The following MACROD2 variants were observed in gnomAD, a reference collection of about 807,000 sequenced individuals.
MACROD2 encodes the protein ADP-ribose glycohydrolase MACROD2.
Under a neutral mutation model 70.4 loss-of-function variants are expected in MACROD2, and 36 were observed. The observed-to-expected ratio is 0.51, with a 90% CI of 0.39 to 0.68. The LOEUF is 0.68. Ranked by LOEUF, MACROD2 falls within the 30% of genes least tolerant of loss-of-function variation. The pLI, the probability that MACROD2 is intolerant of heterozygous loss-of-function variation, is 0.00. For synonymous variants in MACROD2, 172 were observed against 178.8 expected (o/e 0.96, Z 0.30); for missense variants, 496 against 538.4 (o/e 0.92, Z 0.78).
intron 5 of MACROD2, among the ~76,000 whole-genome samples, chr20:14,974,859 G>A (rs1170191523): frequency 6.6e-6 from 1 of 152,122 alleles, no homozygotes; most frequent in East Asian, 1.9e-4. Flanking sequence ...TGCAGACTGT[G>A]TGAACTCTAG....
At chr20:15,278,189 G>T (rs1318566790) in intron 6 of MACROD2, among the ~76,000 whole-genome samples, 2 of 152,150 alleles carry the variant, frequency 1.3e-5, no homozygotes, top group Admixed American at 1.3e-4. Context: ...AGTTCTGAAG[G>T]ATAAAGCTTT....
chr20:14,925,603 G>A (rs1418526042), intron 5 of MACROD2, among the ~76,000 whole-genome samples: 1 of 152,180 alleles, frequency 6.6e-6, no homozygotes, highest in Non-Finnish European at 1.5e-5. Flanking sequence ...AACTTCTAAA[G>A]TTCTCTGCAT....
intron 8 of MACROD2, among the ~76,000 whole-genome samples, chr20:15,751,846 G>A (rs747783882): frequency 2.5e-4 from 38 of 151,086 alleles, no homozygotes; most frequent in Non-Finnish European, 4.6e-4. Context: ...CTAGGTTGCA[G>A]CTGGTTTTTG....
chr20:15,436,660 G>A (rs2046431477), intron 7 of MACROD2, among the ~76,000 whole-genome samples: 1 of 152,112 alleles, frequency 6.6e-6, no homozygotes, highest in Admixed American at 6.6e-5. Context: ...TTACAGACTA[G>A]TTTTCTTGCT....
intron 8 of MACROD2, among the ~76,000 whole-genome samples, chr20:15,631,268 G>T (rs1206532502): frequency 6.6e-6 from 1 of 152,158 alleles, no homozygotes; most frequent in Non-Finnish European, 1.5e-5. Flanking sequence ...AGTAAAACAT[G>T]CCCATCTGCG....
At chr20:14,620,907 A>G (rs979021171) in intron 4 of MACROD2, among the ~76,000 whole-genome samples, 7 of 152,240 alleles carry the variant, frequency 4.6e-5, no homozygotes, top group African/African-American at 1.4e-4. Context: ...ATAGAAATCA[A>G]TGAAGAAAGG....
intron 5 of MACROD2, among the ~76,000 whole-genome samples, chr20:14,844,748 CAACT>C (rs1396353239): frequency 6.6e-6 from 1 of 151,994 alleles, no homozygotes; most frequent in African/African-American, 2.4e-5. Flanking sequence ...CAATCCAAGA[CAACT>C]AACTATCAAA....
intron 3 of MACROD2, among the ~76,000 whole-genome samples, chr20:14,200,032 C>T (rs186568429): frequency 6.6e-6 from 1 of 152,248 alleles, no homozygotes. Context: ...ATAGCAAAGA[C>T]ATTCTTGCAA....
intron 8 of MACROD2, among the ~76,000 whole-genome samples, chr20:15,715,358 C>G (rs2050694010): frequency 6.6e-6 from 1 of 152,070 alleles, no homozygotes. Context: ...CTTTTGCAAC[C>G]CTGATCTTAC....
chr20:14,317,048 C>G (rs2082617516), intron 3 of MACROD2, among the ~76,000 whole-genome samples: 1 of 152,216 alleles, frequency 6.6e-6, no homozygotes, highest in African/African-American at 2.4e-5. Flanking sequence ...TCACCTACGT[C>G]TTGATCACTG....
At chr20:14,703,199 A>G (rs908839848) in intron 5 of MACROD2, among the ~76,000 whole-genome samples, 3 of 152,042 alleles carry the variant, frequency 2.0e-5, no homozygotes, top group Non-Finnish European at 4.4e-5. Flanking sequence ...TGAGATGAAC[A>G]TTTTTTGGGT....
At chr20:14,514,673 C>T (rs1297822787) in intron 4 of MACROD2, among the ~76,000 whole-genome samples, 1 of 152,078 alleles carries the variant, frequency 6.6e-6, no homozygotes. Flanking sequence ...GCCCACTAAT[C>T]CTGTTGAACC....
chr20:15,367,123 G>C (rs2045421890), intron 6 of MACROD2, among the ~76,000 whole-genome samples: 3 of 150,918 alleles, frequency 2.0e-5, no homozygotes, highest in Non-Finnish European at 4.4e-5. Context: ...CGCCTCTTTG[G>C]TTCAAGTGAT....
chr20:14,508,381 G>A (rs1243240989), intron 4 of MACROD2, among the ~76,000 whole-genome samples: 1 of 151,158 alleles, frequency 6.6e-6, no homozygotes, highest in African/African-American at 2.4e-5. Flanking sequence ...CTGTCAAATT[G>A]TTATTTGACC....
intron 15 of MACROD2, among the ~76,000 whole-genome samples, chr20:16,034,729 T>C (rs1333652002): frequency 1.3e-5 from 2 of 151,886 alleles, no homozygotes; most frequent in Non-Finnish European, 2.9e-5. Context: ...AGTTCTTTAG[T>C]GGTGATTTGT....
At chr20:14,594,410 C>G (rs1317201898) in intron 4 of MACROD2, among the ~76,000 whole-genome samples, 1 of 152,148 alleles carries the variant, frequency 6.6e-6, no homozygotes, top group Non-Finnish European at 1.5e-5. Flanking sequence ...CTTCCTACTC[C>G]TTTGTCATAA....
At chr20:14,857,094 C>T (rs546166337) in intron 5 of MACROD2, among the ~76,000 whole-genome samples, 25 of 152,298 alleles carry the variant, frequency 1.6e-4, no homozygotes, top group African/African-American at 6.0e-4. Flanking sequence ...TATTTTCTCA[C>T]TCAAGATTCA....
chr20:15,007,764 G>T (rs962186928), intron 5 of MACROD2, among the ~76,000 whole-genome samples: 2 of 152,188 alleles, frequency 1.3e-5, no homozygotes, highest in Non-Finnish European at 2.9e-5. Flanking sequence ...AAAATCAGGG[G>T]GCGTCTACCT....
intron 5 of MACROD2, among the ~76,000 whole-genome samples, chr20:15,013,792 C>A (rs2075101134): frequency 6.6e-6 from 1 of 152,180 alleles, no homozygotes; most frequent in South Asian, 2.1e-4. Context: ...TTCCAGGGAG[C>A]CCAACCTACA....
Sources: allele counts gnomAD v4.1 joint callset (sites outside exome capture counted in the v4.1 genomes callset), GRCh38; gene constraint gnomAD v4.1.1; transcripts MANE v1.5; gene names NCBI Gene and HGNC (gene_info 2026-07-23, HGNC 2026-07-21).